Variants in SMAD5 observed in about 807,000 individuals in gnomAD.
The protein encoded by SMAD5 is MAD, mothers against decapentaplegic homolog 5.
SMAD5 carries 9 observed loss-of-function variants against 43.1 expected under a neutral mutation model. The observed-to-expected ratio is 0.21, with a 90% CI of 0.13 to 0.36. The LOEUF (loss-of-function observed/expected upper bound fraction) is 0.36, where lower values mean the gene tolerates loss of function less well. Among genes scored for constraint, SMAD5 ranks in the 10% least tolerant of loss-of-function variants. The pLI is 1.00. For synonymous variants in SMAD5, 190 were observed against 192.4 expected, an observed-to-expected ratio of 0.99 and a Z score of 0.10; for missense variants, 348 against 574.0, an observed-to-expected ratio of 0.61 and a Z score of 4.02.
chr5:136,163,251 T>G, intron 4 of SMAD5, 21 bp from the exon 5 acceptor site: 1 of 1,564,978 alleles, frequency 6.4e-7, no homozygotes, highest in Non-Finnish European at 8.6e-7. Flanking sequence ...AGATTTTAAT[T>G]ATTATTTTTT....
intron 5 of SMAD5, among the ~76,000 whole-genome samples, chr5:136,166,120 G>C (rs1754001904): frequency 6.6e-6 from 1 of 150,612 alleles, no homozygotes; most frequent in African/African-American, 2.4e-5. Context: ...CATTTTAATG[G>C]GTATGAAGAG....
chr5:136,158,781 C>G (rs995225259), intron 3 of SMAD5, among the ~76,000 whole-genome samples: 1 of 152,096 alleles, frequency 6.6e-6, no homozygotes, highest in Non-Finnish European at 1.5e-5. Context: ...CGCCTGTAGT[C>G]TCAGCTACTC....
Position 136,182,173 on chromosome 5 carries a change from C to T in SMAD5, c.*4693C>T, listed in dbSNP as rs1057006829. ...ATTAATAGTGCCTTCTTAATTAATA[C>T]AGACTGGTGTTAGCTATAACAAAAC... On this transcript the variant is annotated 3_prime_UTR_variant, in exon 8 of 8. Transcript: ENST00000545279. The T allele has an allele frequency of 6.6e-6, 1 of 150,852 alleles. No individual in the cohort carries two copies. Among genetic ancestry groups the T allele is most frequent in the African/African-American group, 2.4e-5 (1 of 40,872 alleles). The allele number at this position is 150,852 out of a possible 1,614,324, so 9.3% of individuals were successfully genotyped here. A position where few individuals can be genotyped will look rare whatever the true frequency, so the allele number is the denominator to read the frequency against.
rs757924934 is a variant in SMAD5, at chr5:136,172,416, T to C, written c.776-18T>C. 1.4e-5 allele frequency: 20 copies of C among 1,448,812 alleles called. No individual in the cohort carries two copies. In the South Asian group the frequency reaches 2.1e-4, roughly 15 times the overall value. 89.7% of individuals were successfully genotyped at this position (1,448,812 alleles called of 1,614,324 possible). A position where few individuals can be genotyped will look rare whatever the true frequency, so the allele number is the denominator to read the frequency against. On this transcript the variant is annotated intron_variant, in intron 5 of 7. Coordinates refer to ENST00000545279, the MANE Select transcript of SMAD5 (RefSeq NM_005903.7). ...TCTGATATGTATTAAACTCTTTCTG[T>C]GTCTGGTTTGTTCACAGATGTTCAG...
chr5:136,151,325 G>A (rs528625330), intron 2 of SMAD5, among the ~76,000 whole-genome samples: 1 of 152,112 alleles, frequency 6.6e-6, no homozygotes, highest in East Asian at 1.9e-4. Context: ...GTGAGAATGG[G>A]CTGTCATGCT....
Position 136,163,268 on chromosome 5 carries a change from T to C in SMAD5, c.656-4T>C. 2 of 1,602,498 alleles carry C rather than the reference T, an allele frequency of 1.2e-6. No individual in the cohort carries two copies. Among genetic ancestry groups the C allele is most frequent in the South Asian group, 2.3e-5 (2 of 88,136 alleles). ...ATTTTAATTATTATTTTTTTTCCTC[T>C]TAGCTGATACGCCTCCTCCTGCCTA... On this transcript the variant is annotated splice_polypyrimidine_tract_variant and splice_region_variant and intron_variant, in intron 4 of 7. Transcript: ENST00000545279.
intron 3 of SMAD5, among the ~76,000 whole-genome samples, chr5:136,155,774 G>C (rs1220533805): frequency 1.3e-5 from 2 of 152,070 alleles, no homozygotes; most frequent in African/African-American, 4.8e-5. Context: ...TATTTATTTT[G>C]TTTATTGACT....
chr5:136,138,099 T>C (rs147066733), intron 1 of SMAD5, among the ~76,000 whole-genome samples: 1 of 152,184 alleles, frequency 6.6e-6, no homozygotes. Flanking sequence ...TCTTGCAGGC[T>C]CTGTGGGGGT....
At chr5:136,151,639 C>T (rs1239782864) in intron 2 of SMAD5, among the ~76,000 whole-genome samples, 1 of 151,850 alleles carries the variant, frequency 6.6e-6, no homozygotes, top group African/African-American at 2.4e-5. Flanking sequence ...TTTTTGCCTC[C>T]CTCTTCCTTA....
intron 4 of SMAD5, among the ~76,000 whole-genome samples, chr5:136,161,721 A>G (rs771247170): frequency 1.3e-5 from 2 of 152,236 alleles, no homozygotes; most frequent in African/African-American, 2.4e-5. Context: ...GGCATGTCAT[A>G]TATGGACATG....
rs1753798643 is a variant in SMAD5, at chr5:136,160,799, G to A, written c.404-57G>A. 4.4e-6 allele frequency: 7 copies of A among 1,575,416 alleles called. No individual in the cohort carries two copies. The African/African-American group carries it at 8.1e-5, about 18-fold the overall frequency. ...ATCCTTTCTACCAACCCCTTAGTGT[G>A]GATGGGGCATTTGTTTAGTCATTCC... On this transcript the variant is annotated intron_variant, in intron 3 of 7. Transcript: ENST00000545279.
intron 1 of SMAD5, among the ~76,000 whole-genome samples, chr5:136,137,861 C>T (rs1752941203): frequency 6.6e-6 from 1 of 152,186 alleles, no homozygotes; most frequent in South Asian, 2.1e-4. Context: ...TCTGGGTGCA[C>T]ATGAGTTCTC....
chr5:136,173,000 A>G (rs538606375), intron 6 of SMAD5, among the ~76,000 whole-genome samples: 1 of 152,330 alleles, frequency 6.6e-6, no homozygotes, highest in Non-Finnish European at 1.5e-5. Context: ...TACACAACAC[A>G]TATTTATGGA....
In SMAD5 at chr5:136,180,476, G is replaced by A. The variant is rs966509031; in HGVS notation, c.*2996G>A. ...TTAAAGCAACAAAAAGATATTGATT[G>A]GCAAAAAGCAAGATATAAGAGATTC... is the stretch of plus-strand genomic sequence containing the variant. On this transcript the variant is annotated 3_prime_UTR_variant, in exon 8 of 8. Transcript: ENST00000545279. 6.6e-6 allele frequency: 1 copy of A among 152,034 alleles called. No homozygotes were observed. Among genetic ancestry groups the A allele is most frequent in the Non-Finnish European group, 1.5e-5 (1 of 67,920 alleles). 9.4% of individuals were successfully genotyped at this position (152,034 alleles called of 1,614,324 possible). A position where few individuals can be genotyped will look rare whatever the true frequency, so the allele number is the denominator to read the frequency against.
At chr5:136,160,168 A>G (rs936814949) in intron 3 of SMAD5, among the ~76,000 whole-genome samples, 1 of 152,218 alleles carries the variant, frequency 6.6e-6, no homozygotes, top group Non-Finnish European at 1.5e-5. Context: ...TTATGGTCAT[A>G]TTTAGAAGAC....
chr5:136,136,645 C>A (rs1752887911), intron 1 of SMAD5, among the ~76,000 whole-genome samples: 1 of 152,106 alleles, frequency 6.6e-6, no homozygotes, highest in Non-Finnish European at 1.5e-5. Flanking sequence ...GTTTTCCAAC[C>A]TGGAAAGATG....
chr5:136,174,221 C>T (rs1211974119), intron 6 of SMAD5, among the ~76,000 whole-genome samples, 155 bp from the exon 7 acceptor site: 1 of 152,128 alleles, frequency 6.6e-6, no homozygotes, highest in Admixed American at 6.6e-5. Flanking sequence ...TCTTGATTAT[C>T]TTTGGCAGCA....
At chr5:136,160,803 G>T in intron 3 of SMAD5, 53 bp from the exon 4 acceptor site, 2 of 1,582,786 alleles carry the variant, frequency 1.3e-6, no homozygotes, top group Non-Finnish European at 8.7e-7. Flanking sequence ...TAGTGTGGAT[G>T]GGGCATTTGT....
At chr5:136,173,333 C>G (rs1754291874) in intron 6 of SMAD5, among the ~76,000 whole-genome samples, 1 of 152,140 alleles carries the variant, frequency 6.6e-6, no homozygotes, top group South Asian at 2.1e-4. Flanking sequence ...AGTGTATTGC[C>G]TGTTTCTTGA....
Sources: gnomAD v4.1 joint callset for allele counts (sites outside exome capture counted in the v4.1 genomes callset) on GRCh38, gnomAD v4.1.1 for gene constraint, MANE v1.5 for transcripts, NCBI Gene and HGNC (gene_info 2026-07-23, HGNC 2026-07-21) for gene names.